The following MND1 variants were observed in gnomAD, a reference collection of about 807,000 sequenced individuals.
The protein encoded by MND1 is meiotic nuclear divisions 1.
A neutral mutation model predicts 35.1 loss-of-function variants in MND1; 28 were observed. The observed-to-expected ratio is 0.80, with a 90% CI of 0.59 to 1.09. MND1 has a LOEUF of 1.09. Ranked by LOEUF, MND1 falls within the 50% of genes least tolerant of loss-of-function variation. The probability of loss-of-function intolerance (pLI) is 0.00; values close to 1 mark genes in which losing one functional copy is unlikely to be tolerated. For missense variants in MND1, 213 were observed against 239.6 expected (o/e 0.89, Z 0.73); for synonymous variants, 69 against 70.5 (o/e 0.98, Z 0.11).
At chr4:153,360,845 A>G (rs1266587609) in intron 4 of MND1, among the ~76,000 whole-genome samples, 2 of 151,890 alleles carry the variant, frequency 1.3e-5, no homozygotes, top group African/African-American at 4.8e-5. Flanking sequence ...ACATGTATAT[A>G]TAACTACTAA....
intron 4 of MND1, among the ~76,000 whole-genome samples, chr4:153,380,774 G>T (rs1254381689): frequency 1.3e-5 from 2 of 152,168 alleles, no homozygotes; most frequent in Non-Finnish European, 2.9e-5. Context: ...ACGACTCAAA[G>T]ATTGTGGGGG....
At chr4:153,362,619 T>TA (rs1232003929) in intron 4 of MND1, among the ~76,000 whole-genome samples, 1 of 152,204 alleles carries the variant, frequency 6.6e-6, no homozygotes, top group African/African-American at 2.4e-5. Context: ...CTAATACACA[T>TA]ACTTAACTTA....
Position 153,415,052 on chromosome 4 carries a change from A to C in MND1, c.*195A>C, listed in dbSNP as rs536901443. On this transcript the variant is annotated 3_prime_UTR_variant, in exon 8 of 8. Transcript: ENST00000240488. ...AGCAGGATGATAACCATATCCCCCC[A>C]GTGCTCATCAAAGTAGGACAATAAA... The C allele has an allele frequency of 4.0e-4, 138 of 349,108 alleles. No individual in the cohort carries two copies. The highest frequency in any genetic ancestry group is 6.4e-4 in the Non-Finnish European group (121 of 189,558). The allele number at this position is 349,108 out of a possible 1,614,324, so 21.6% of individuals were successfully genotyped here. A position where few individuals can be genotyped will look rare whatever the true frequency, so the allele number is the denominator to read the frequency against.
At position 153,349,936 on chromosome 4, in the gene MND1, C is replaced by T. The variant is rs891246479; in HGVS notation, c.4-128C>T. The T allele has an allele frequency of 2.6e-5, 16 of 608,592 alleles. No homozygotes were observed. In the African/African-American group the frequency reaches 3.0e-4, roughly 11 times the overall value. 37.7% of individuals were successfully genotyped at this position (608,592 alleles called of 1,614,324 possible). A position where few individuals can be genotyped will look rare whatever the true frequency, so the allele number is the denominator to read the frequency against. On this transcript the variant is annotated intron_variant, in intron 1 of 7. Transcript: ENST00000240488. ...TAGTAATTAAAATGAGTCTTTAGGT[C>T]TGACTTTGAGAGTATCAAACCTGTT... is the stretch of plus-strand genomic sequence containing the variant.
At chr4:153,364,472 G>A (rs1270239950) in intron 4 of MND1, among the ~76,000 whole-genome samples, 2 of 151,472 alleles carry the variant, frequency 1.3e-5, no homozygotes, top group South Asian at 2.1e-4. Context: ...AGCTGTATTC[G>A]TGCCACTGCA....
At chr4:153,390,927 G>GTATA (rs1395299336) in intron 4 of MND1, among the ~76,000 whole-genome samples, 1 of 144,340 alleles carries the variant, frequency 6.9e-6, no homozygotes, top group Non-Finnish European at 1.5e-5. Context: ...ATATGTGTGT[G>GTATA]TGTGTGTGTG....
At chr4:153,366,884 A>AT (rs1773649395) in intron 4 of MND1, among the ~76,000 whole-genome samples, 1 of 152,194 alleles carries the variant, frequency 6.6e-6, no homozygotes, top group Non-Finnish European at 1.5e-5. Flanking sequence ...ACACAGAGAG[A>AT]TTAAGAGCTT....
intron 4 of MND1, among the ~76,000 whole-genome samples, chr4:153,370,138 C>G (rs1021910330): frequency 1.3e-5 from 2 of 151,806 alleles, no homozygotes; most frequent in Non-Finnish European, 2.9e-5. Flanking sequence ...AAAGATCAGC[C>G]GGACGTGGTG....
chr4:153,407,904 A>G (rs1729565965), intron 6 of MND1, among the ~76,000 whole-genome samples: 1 of 152,206 alleles, frequency 6.6e-6, no homozygotes, highest in Non-Finnish European at 1.5e-5. Context: ...TAAGGGGCAC[A>G]AGGGTTTTTT....
chr4:153,358,240 C>G (rs1301223712), intron 3 of MND1, among the ~76,000 whole-genome samples: 1 of 152,148 alleles, frequency 6.6e-6, no homozygotes, highest in Non-Finnish European at 1.5e-5. Context: ...CTGTATATTA[C>G]TTGTTTTCCC....
chr4:153,350,818 G>A (rs1202128811), intron 2 of MND1, among the ~76,000 whole-genome samples: 1 of 152,028 alleles, frequency 6.6e-6, no homozygotes, highest in African/African-American at 2.4e-5. Flanking sequence ...GGCTTGGCAG[G>A]ACCTACAAAG....
chr4:153,365,513 A>G (rs1030916425), intron 4 of MND1, among the ~76,000 whole-genome samples: 4 of 152,202 alleles, frequency 2.6e-5, no homozygotes, highest in Non-Finnish European at 5.9e-5. Context: ...GAATAATCCA[A>G]CTGTAAAGTT....
chr4:153,393,368 C>CTTTTTTTTTTTTTTTTT (rs60689772), intron 4 of MND1, among the ~76,000 whole-genome samples: 1 of 125,336 alleles, frequency 8.0e-6, no homozygotes, highest in African/African-American at 3.0e-5. Context: ...CAATTTCTTT[C>CTTTTTTTTTTTTTTTTT]TTTTTTTTTT....
At chr4:153,404,174 C>CT (rs71598277) in intron 6 of MND1, among the ~76,000 whole-genome samples, 3,318 of 73,834 alleles carry the variant, frequency 0.045, 535 homozygotes, top group African/African-American at 0.11. Context: ...AAAATTGGTT[C>CT]TTTTTTTTTT....
chr4:153,412,331 A>G (rs1729705292), intron 7 of MND1, among the ~76,000 whole-genome samples: 1 of 152,184 alleles, frequency 6.6e-6, no homozygotes, highest in African/African-American at 2.4e-5. Context: ...AAAACATCAC[A>G]GATAGGGTGG....
chr4:153,353,404 CATATATATATATAT>C (rs58280101), intron 2 of MND1, among the ~76,000 whole-genome samples: 5,031 of 81,966 alleles, frequency 0.061, 197 homozygotes, highest in South Asian at 0.2. Context: ...GACTTTATCA[CATATATATATATAT>C]ATATATATAT....
intron 1 of MND1, among the ~76,000 whole-genome samples, chr4:153,345,963 ATC>A (rs1213033904): frequency 9.7e-6 from 1 of 103,264 alleles, no homozygotes; most frequent in Non-Finnish European, 2.1e-5. Flanking sequence ...TACCTAATCT[ATC>A]TCTCTACACA....
chr4:153,390,257 A>T (rs1728982857), intron 4 of MND1, among the ~76,000 whole-genome samples: 1 of 152,192 alleles, frequency 6.6e-6, no homozygotes, highest in African/African-American at 2.4e-5. Context: ...TTGGGATTTT[A>T]AGAACTACGC....
At chr4:153,378,229 A>G (rs1728565875) in intron 4 of MND1, among the ~76,000 whole-genome samples, 1 of 152,236 alleles carries the variant, frequency 6.6e-6, no homozygotes, top group Non-Finnish European at 1.5e-5. Context: ...CACATACAGC[A>G]GAAAAGGTGG....
Sources: gnomAD v4.1 joint callset for allele counts (sites outside exome capture counted in the v4.1 genomes callset) on GRCh38, gnomAD v4.1.1 for gene constraint, MANE v1.5 for transcripts, NCBI Gene and HGNC (gene_info 2026-07-23, HGNC 2026-07-21) for gene names.